Variants in TEX11 observed in about 807,000 individuals in gnomAD.
TEX11 encodes testis-expressed protein 11.
TEX11 carries 7 observed loss-of-function variants against 84.4 expected under a neutral mutation model. The observed-to-expected ratio is 0.08, with a 90% CI of 0.05 to 0.16. The LOEUF (loss-of-function observed/expected upper bound fraction) is 0.16. Among genes scored for constraint, TEX11 ranks in the 10% least tolerant of loss-of-function variants. The pLI, the probability that TEX11 is intolerant of heterozygous loss-of-function variation, is 1.00. For missense variants in TEX11, 551 were observed against 660.5 expected, an observed-to-expected ratio of 0.83 and a Z score of 1.82; for synonymous variants, 264 against 222.8, an observed-to-expected ratio of 1.18 and a Z score of -1.64.
At chrX:70,678,555 A>G (rs2090095654) in intron 15 of TEX11, among the ~76,000 whole-genome samples, 1 of 110,009 alleles carries the variant, frequency 9.1e-6, no homozygotes, top group African/African-American at 3.3e-5. Flanking sequence ...ACATTCTTAT[A>G]TCTTAATATC....
intron 4 of TEX11, among the ~76,000 whole-genome samples, chrX:70,872,615 A>G (rs1394094448): frequency 8.9e-6 from 1 of 112,340 alleles, no homozygotes; most frequent in East Asian, 2.8e-4. Flanking sequence ...TAGCTAAAGC[A>G]CTAGAACATT....
chrX:70,703,553 A>T (rs1184456814), intron 13 of TEX11, among the ~76,000 whole-genome samples: 1 of 111,132 alleles, frequency 9.0e-6, no homozygotes, highest in Non-Finnish European at 1.9e-5. Context: ...TCCATATAGG[A>T]TACTTTTCCT....
chrX:70,813,899 G>A (rs2091272102), intron 8 of TEX11, among the ~76,000 whole-genome samples: 1 of 111,582 alleles, frequency 9.0e-6, no homozygotes, highest in African/African-American at 3.3e-5. Flanking sequence ...CAAGGGATGT[G>A]AAGGACCTCT....
intron 15 of TEX11, chrX:70,672,797 T>C (rs1018679688): frequency 7.2e-5 from 8 of 111,881 alleles, no homozygotes; most frequent in African/African-American, 2.6e-4. Context: ...TTTTTTCATC[T>C]ATTCAACAGG....
intron 28 of TEX11, among the ~76,000 whole-genome samples, chrX:70,548,272 G>T (rs1349452636): frequency 7.4e-5 from 8 of 107,849 alleles, no homozygotes; most frequent in Non-Finnish European, 1.3e-4. Flanking sequence ...CTGTTGTGGG[G>T]TGGGGGGAGT....
intron 15 of TEX11, among the ~76,000 whole-genome samples, chrX:70,671,052 T>C (rs1191054745): frequency 8.9e-6 from 1 of 112,048 alleles, no homozygotes; most frequent in Non-Finnish European, 1.9e-5. Context: ...ATACATAACA[T>C]TTAATCAAGT....
chrX:70,629,147 C>A (rs1156479992), intron 18 of TEX11, among the ~76,000 whole-genome samples: 2 of 111,631 alleles, frequency 1.8e-5, no homozygotes, highest in Non-Finnish European at 3.8e-5. Context: ...TTTCCTAATT[C>A]AATATATTAA....
chrX:70,521,289 T>C, the TEX11 span, among the ~76,000 whole-genome samples: 4 of 111,001 alleles, frequency 3.6e-5, no homozygotes, highest in Non-Finnish European at 7.6e-5. Context: ...CTTTTTTTTT[T>C]TCTTTTTGAA....
chrX:70,513,831 G>C, the TEX11 span, among the ~76,000 whole-genome samples: 2 of 108,466 alleles, frequency 1.8e-5, no homozygotes, highest in African/African-American at 6.9e-5. Flanking sequence ...AAACGGAAGG[G>C]AAAGGAAAAA....
At chrX:70,601,279 A>G (rs1322272463) in intron 24 of TEX11, among the ~76,000 whole-genome samples, 2 of 79,765 alleles carry the variant, frequency 2.5e-5, no homozygotes, top group African/African-American at 9.0e-5. Context: ...AGAAATGGAT[A>G]AATTCCTTGA....
chrX:70,896,247 G>A (rs964621755), intron 2 of TEX11, among the ~76,000 whole-genome samples: 2 of 112,164 alleles, frequency 1.8e-5, no homozygotes, highest in African/African-American at 3.2e-5. Context: ...ACATTTATGC[G>A]GCCAGCAAAC....
At chrX:70,872,007 A>G (rs935409655) in intron 4 of TEX11, among the ~76,000 whole-genome samples, 1 of 107,373 alleles carries the variant, frequency 9.3e-6, no homozygotes, top group Admixed American at 9.9e-5. Context: ...AAAAAGAAAA[A>G]GAAAAAAAGA....
At chrX:70,548,256 C>T (rs187831690) in intron 28 of TEX11, among the ~76,000 whole-genome samples, 17 of 101,294 alleles carry the variant, frequency 1.7e-4, no homozygotes, top group East Asian at 3.5e-4. Context: ...CATCACACAC[C>T]GGGGCCTGTT....
intron 9 of TEX11, among the ~76,000 whole-genome samples, chrX:70,790,409 A>C (rs1480858921): frequency 6.3e-5 from 7 of 111,343 alleles, no homozygotes; most frequent in Non-Finnish European, 1.3e-4. Flanking sequence ...GGAAGGGGTA[A>C]ATGAAGGAAT....
At chrX:70,679,112 T>C (rs769021038) in intron 14 of TEX11, among the ~76,000 whole-genome samples, 194 of 112,694 alleles carry the variant, frequency 1.7e-3, no homozygotes, top group African/African-American at 5.3e-3. Flanking sequence ...CTGGTTTTCG[T>C]ATTTTTTTGG....
chrX:70,560,125 A>C (rs763096733), intron 25 of TEX11, among the ~76,000 whole-genome samples: 1 of 102,153 alleles, frequency 9.8e-6, no homozygotes, highest in East Asian at 3.0e-4. Flanking sequence ...CCATTTATAC[A>C]TTTTTTTTGG....
intron 13 of TEX11, among the ~76,000 whole-genome samples, chrX:70,720,369 T>A (rs1708038108): frequency 1.8e-5 from 2 of 110,118 alleles, no homozygotes; most frequent in African/African-American, 6.6e-5. Context: ...GGGCCTTTCA[T>A]GGGGTGGGAG....
At chrX:70,765,375 C>G (rs2090933211) in intron 9 of TEX11, among the ~76,000 whole-genome samples, 1 of 111,245 alleles carries the variant, frequency 9.0e-6, no homozygotes, top group Non-Finnish European at 1.9e-5. Flanking sequence ...GCCTGGGTGA[C>G]AGAGCAAGAC....
chrX:70,656,724 G>A (rs1455219941), intron 16 of TEX11, among the ~76,000 whole-genome samples: 2 of 111,980 alleles, frequency 1.8e-5, no homozygotes, highest in East Asian at 5.6e-4. Context: ...TAGAAAAGGA[G>A]GACCCCAAAA....
Sources: gnomAD v4.1 joint callset for allele counts (sites outside exome capture counted in the v4.1 genomes callset) on GRCh38, gnomAD v4.1.1 for gene constraint, MANE v1.5 for transcripts, NCBI Gene and HGNC (gene_info 2026-07-23, HGNC 2026-07-21) for gene names.